The following ENPP1 variants were observed in gnomAD, a reference collection of about 807,000 sequenced individuals.
ENPP1 encodes the protein ectonucleotide pyrophosphatase/phosphodiesterase 1.
In ENPP1, 73 loss-of-function variants were observed where a neutral mutation model predicts 122.8. The ratio of observed to expected loss-of-function variants is 0.59; its 90% CI spans 0.49 to 0.72. The LOEUF (loss-of-function observed/expected upper bound fraction) is 0.72. ENPP1 is among the 30% of genes least tolerant of loss of function. The pLI is 0.00. For synonymous variants in ENPP1, 367 were observed against 391.6 expected (o/e 0.94, Z 0.74); for missense variants, 978 against 1,128.1 (o/e 0.87, Z 1.91).
rs192121692 is a variant in ENPP1, at chr6:131,847,305, A to G, written c.241-471A>G. Among the ~76,000 whole-genome samples the G allele has an allele frequency of 9.2e-5, 14 of 152,330 alleles. No individual in the cohort carries two copies. The East Asian group carries it at 2.7e-3, about 29-fold the overall frequency. ...TAATTTTTATGACTAATTCATTTAT[A>G]CTAACTAGGAGAGTTTCTAATTACA... On this transcript the variant is annotated intron_variant, in intron 1 of 24. Coordinates refer to ENST00000647893, the MANE Select transcript of ENPP1 (RefSeq NM_006208.3).
intron 5 of ENPP1, among the ~76,000 whole-genome samples, chr6:131,853,908 A>C (rs1781911301): frequency 6.6e-6 from 1 of 152,170 alleles, no homozygotes; most frequent in African/African-American, 2.4e-5. Flanking sequence ...GTATATTAGC[A>C]TCCTCTGTGG....
At chr6:131,871,898 A>AGGG (rs1562181069) in intron 13 of ENPP1, among the ~76,000 whole-genome samples, 172 bp from the exon 14 acceptor site, 2 of 152,210 alleles carry the variant, frequency 1.3e-5, no homozygotes, top group African/African-American at 4.8e-5. Flanking sequence ...GGTGATCCCT[A>AGGG]AAGGTCTGTC....
chr6:131,890,607 C>T lies in ENPP1; in HGVS notation c.*96C>T, dbSNP rs147396850. 5,617 of 1,147,778 alleles carry T rather than the reference C, an allele frequency of 4.9e-3. 19 individuals carry two copies. The highest frequency in any genetic ancestry group is 6.7e-3 in the Non-Finnish European group (5,116 of 764,732). 71.1% of individuals were successfully genotyped at this position (1,147,778 alleles called of 1,614,324 possible). On this transcript the variant is annotated 3_prime_UTR_variant, in exon 25 of 25. Coordinates refer to ENST00000647893, the MANE Select transcript of ENPP1 (RefSeq NM_006208.3). The stretch of plus-strand genomic sequence containing the variant: ...CACTATTGCATTGTTCAGAAACTGT[C>T]GACCAGAGTTAGAACGGAGCCCTCG...
In ENPP1 at chr6:131,892,304, G is replaced by A. The variant is rs764768970; in HGVS notation, c.*1793G>A. 6.6e-6 allele frequency: 1 copy of A among 152,210 alleles called. No homozygotes were observed. Among genetic ancestry groups the A allele is most frequent in the Non-Finnish European group, 1.5e-5 (1 of 68,068 alleles). The allele number at this position is 152,210 out of a possible 1,614,324, so 9.4% of individuals were successfully genotyped here. ...TTTCTCAGATACCACCACAGCAGGG[G>A]AATTGGGAGCACTGCTTCATTATTA... On this transcript the variant is annotated 3_prime_UTR_variant, in exon 25 of 25. Transcript: ENST00000647893.
intron 24 of ENPP1, among the ~76,000 whole-genome samples, chr6:131,887,360 G>T (rs1315905916): frequency 6.6e-6 from 1 of 151,412 alleles, no homozygotes; most frequent in African/African-American, 2.4e-5. Flanking sequence ...CTACATTGTA[G>T]ATTGGGACAT....
intron 15 of ENPP1, 56 bp from the exon 16 acceptor site, chr6:131,874,212 T>C (rs1782198843): frequency 1.0e-6 from 1 of 989,422 alleles, no homozygotes; most frequent in South Asian, 1.3e-5. Flanking sequence ...GTTATGATTA[T>C]CAATTATGTT....
chr6:131,810,949 T>C (rs999080295), intron 1 of ENPP1, among the ~76,000 whole-genome samples: 3 of 152,182 alleles, frequency 2.0e-5, no homozygotes, highest in African/African-American at 7.2e-5. Flanking sequence ...CTGGAATGCT[T>C]GTGCCTAGGT....
intron 1 of ENPP1, chr6:131,827,913 G>A: frequency 4.2e-6 from 5 of 1,201,320 alleles, no homozygotes; most frequent in Non-Finnish European, 6.2e-6. Context: ...TTTCTGACAG[G>A]GTGCAGGTGG....
intron 9 of ENPP1, among the ~76,000 whole-genome samples, chr6:131,864,096 G>A (rs74958730): frequency 0.018 from 2,760 of 152,278 alleles, 97 homozygotes; most frequent in African/African-American, 0.063. Flanking sequence ...ATTCAATTCT[G>A]CTCAGGAAAT....
chr6:131,813,607 C>A (rs1338388224), intron 1 of ENPP1, among the ~76,000 whole-genome samples: 2 of 151,894 alleles, frequency 1.3e-5, no homozygotes, highest in African/African-American at 4.8e-5. Flanking sequence ...ATGACTTAAC[C>A]CTCCCCTTGC....
At chr6:131,886,280 T>G (rs1362640709) in intron 23 of ENPP1, among the ~76,000 whole-genome samples, 1 of 152,218 alleles carries the variant, frequency 6.6e-6, no homozygotes, top group Non-Finnish European at 1.5e-5. Flanking sequence ...TTTTCTTTAG[T>G]GTTTCAATTT....
chr6:131,883,192 T>A (rs1782334496), intron 21 of ENPP1, among the ~76,000 whole-genome samples: 1 of 152,230 alleles, frequency 6.6e-6, no homozygotes, highest in Admixed American at 6.5e-5. Flanking sequence ...TCCCAGAGTA[T>A]GTGTCTGAAG....
intron 1 of ENPP1, chr6:131,820,415 G>T (rs1368392841): frequency 6.4e-6 from 1 of 156,680 alleles, no homozygotes; most frequent in Non-Finnish European, 1.4e-5. Context: ...GGCTAGGCGG[G>T]TGTCCCCTTC....
At chr6:131,819,942 T>TC in intron 1 of ENPP1, 1 of 530,220 alleles carries the variant, frequency 1.9e-6, no homozygotes, top group South Asian at 1.7e-5. Flanking sequence ...ATAGCTTCTT[T>TC]TTTTTTTTTT....
chr6:131,837,923 A>AT (rs1406930956), intron 1 of ENPP1, among the ~76,000 whole-genome samples: 2 of 151,902 alleles, frequency 1.3e-5, no homozygotes, highest in Admixed American at 6.6e-5. Context: ...TAGAAATTTT[A>AT]TTTTTTTACT....
chr6:131,889,933 C>T (rs1255038677), intron 24 of ENPP1, among the ~76,000 whole-genome samples: 1 of 151,152 alleles, frequency 6.6e-6, no homozygotes, highest in African/African-American at 2.4e-5. Flanking sequence ...CCTTTTTCTC[C>T]ACAACCTTAC....
intron 2 of ENPP1, 103 bp downstream of exon 2, chr6:131,847,951 C>G (rs1007937757): frequency 1.2e-6 from 1 of 857,132 alleles, no homozygotes; most frequent in Admixed American, 2.0e-5. Flanking sequence ...TCTCCTATTC[C>G]TATGGGTACT....
chr6:131,842,892 T>A (rs919133404), intron 1 of ENPP1, among the ~76,000 whole-genome samples: 2 of 149,174 alleles, frequency 1.3e-5, no homozygotes, highest in East Asian at 1.9e-4. Context: ...GGGAAAAAAA[T>A]TTTTTTTTTA....
Position 131,869,474 on chromosome 6 carries a change from G to C in ENPP1, c.1390G>C (p.Asp464His). The C allele has an allele frequency of 6.2e-7, 1 of 1,613,358 alleles. No homozygotes were observed. The highest frequency in any genetic ancestry group is 8.5e-7 in the Non-Finnish European group (1 of 1,179,450). ...AARLRPSDVP[D>H]KYYSFNYEGI... is the part of the protein sequence containing the mutation. ...TCGATTGAGACCCTCTGATGTCCCA[G>C]ATAAATACTATTCATGTAAGTATAT... is the stretch of plus-strand genomic sequence containing the variant. The change falls in exon 13 of 25, where the codon GAT becomes CAT. Residue 464 changes from aspartate to histidine, a missense_variant. By Grantham distance (81) the Asp-to-His change is moderately conservative (BLOSUM62 -1). Around this residue, in one of 3 missense-constraint regions of ENPP1, gnomAD observed 644 missense variants for 781.5 expected, o/e 0.82. Transcript: ENST00000647893.
Sources: allele counts gnomAD v4.1 joint callset (sites outside exome capture counted in the v4.1 genomes callset), GRCh38; gene constraint gnomAD v4.1.1; regional missense constraint gnomAD v4.1.1; transcripts MANE v1.5; gene names NCBI Gene and HGNC (gene_info 2026-07-23, HGNC 2026-07-21).